The following PREX2 variants were observed in gnomAD, a reference collection of about 807,000 sequenced individuals.
The protein encoded by PREX2 is phosphatidylinositol-3,4,5-trisphosphate dependent Rac exchange factor 2.
A neutral mutation model predicts 203.2 loss-of-function variants in PREX2; 107 were observed. That is an observed-to-expected ratio of 0.53 (90% CI 0.45 to 0.62). The LOEUF is 0.62. Ranked by LOEUF, PREX2 falls within the 20% of genes least tolerant of loss-of-function variation. The probability of loss-of-function intolerance (pLI) is 0.00; values close to 1 mark genes in which losing one functional copy is unlikely to be tolerated. For missense variants in PREX2, 1,777 were observed against 1,955.9 expected, an observed-to-expected ratio of 0.91 and a Z score of 1.72; for synonymous variants, 672 against 663.6, an observed-to-expected ratio of 1.01 and a Z score of -0.19.
At chr8:67,966,146 A>T (rs1479211147) in intron 1 of PREX2, among the ~76,000 whole-genome samples, 1 of 152,216 alleles carries the variant, frequency 6.6e-6, no homozygotes, top group Non-Finnish European at 1.5e-5. Context: ...ATTTCTATAG[A>T]TGAGGATTTG....
chr8:68,157,240 C>G (rs556730847), intron 34 of PREX2, 82 bp from the exon 35 acceptor site: 1 of 629,100 alleles, frequency 1.6e-6, no homozygotes, highest in Non-Finnish European at 2.7e-6. Flanking sequence ...GCTAAATTTA[C>G]TAATAATCAA....
At chr8:68,097,325 T>A in intron 22 of PREX2, 124 bp downstream of exon 22, 2 of 695,930 alleles carry the variant, frequency 2.9e-6, no homozygotes, top group Non-Finnish European at 4.3e-6. Flanking sequence ...CATTCAAACT[T>A]CTTTTTTTTT....
rs183077382 is a variant in PREX2 at position 68,030,613 on chromosome 8, G to A, written c.660G>A (p.Lys220=). The part of the protein sequence containing the change: ...NINEAKRQME[K]LEVLEEWQSH... ...ACGAGGCCAAGAGACAGATGGAGAA[G>A]TTAGAAGTTTTAGAGGAATGGCAGT... The change falls in exon 6 of 40, where the codon AAG becomes AAA. Residue 220 remains lysine, a synonymous_variant. Transcript: ENST00000288368. The A allele has an allele frequency of 1.4e-4, 232 of 1,613,706 alleles. 2 individuals carry two copies. In the East Asian group the frequency reaches 4.1e-3, roughly 28 times the overall value.
At chr8:67,974,662 C>T (rs578238974) in intron 1 of PREX2, among the ~76,000 whole-genome samples, 1 of 152,124 alleles carries the variant, frequency 6.6e-6, no homozygotes, top group Admixed American at 6.5e-5. Flanking sequence ...CATGCAAATT[C>T]TGAGAATTTA....
intron 33 of PREX2, among the ~76,000 whole-genome samples, chr8:68,139,236 G>A (rs1424172827): frequency 1.3e-5 from 2 of 152,196 alleles, no homozygotes; most frequent in Non-Finnish European, 2.9e-5. Context: ...GCAGATGGAA[G>A]GTTGCAGATA....
intron 23 of PREX2, among the ~76,000 whole-genome samples, chr8:68,103,978 C>A (rs1461669226): frequency 6.6e-6 from 1 of 152,180 alleles, no homozygotes; most frequent in Non-Finnish European, 1.5e-5. Context: ...TCTCACGCTT[C>A]ACATGTTCCA....
intron 1 of PREX2, among the ~76,000 whole-genome samples, chr8:67,982,036 A>G (rs1162178636): frequency 1.3e-5 from 2 of 152,218 alleles, no homozygotes; most frequent in Admixed American, 1.3e-4. Context: ...TTACCAGTGA[A>G]CAAGTAGAAC....
intron 37 of PREX2, among the ~76,000 whole-genome samples, chr8:68,202,342 TAGCGAC>T (rs1234498487): frequency 1.3e-5 from 2 of 152,026 alleles, no homozygotes; most frequent in Non-Finnish European, 2.9e-5. Flanking sequence ...GAGGAAAGGG[TAGCGAC>T]TGGACAGGAT....
intron 1 of PREX2, among the ~76,000 whole-genome samples, chr8:68,007,596 C>T (rs1807131593): frequency 6.6e-6 from 1 of 152,126 alleles, no homozygotes; most frequent in African/African-American, 2.4e-5. Flanking sequence ...GACATTGACA[C>T]TCGATGTACC....
At chr8:68,061,843 C>T (rs1217528746) in intron 11 of PREX2, among the ~76,000 whole-genome samples, 1 of 152,070 alleles carries the variant, frequency 6.6e-6, no homozygotes, top group Non-Finnish European at 1.5e-5. Flanking sequence ...GAGTACTAGA[C>T]TCCTGGGAAC....
intron 3 of PREX2, among the ~76,000 whole-genome samples, chr8:68,021,167 G>A (rs1181662470): frequency 1.3e-5 from 2 of 152,098 alleles, no homozygotes; most frequent in East Asian, 3.9e-4. Flanking sequence ...TATCTATGAA[G>A]GCTGTTTATT....
chr8:68,131,677 A>T (rs1014317686), intron 31 of PREX2, among the ~76,000 whole-genome samples: 11 of 152,344 alleles, frequency 7.2e-5, no homozygotes, highest in African/African-American at 2.6e-4. Context: ...TAGAATAAAC[A>T]TCTAAGTATT....
intron 2 of PREX2, 84 bp from the exon 3 acceptor site, chr8:68,019,465 G>C (rs1020025935): frequency 9.0e-7 from 1 of 1,113,556 alleles, no homozygotes; most frequent in Admixed American, 2.9e-5. Context: ...ATGGTTTTCA[G>C]GTTGGAGAGA....
At chr8:67,993,357 T>C (rs4236957) in intron 1 of PREX2, among the ~76,000 whole-genome samples, 74,401 of 151,310 alleles carry the variant, frequency 0.49, 18,692 homozygotes, top group South Asian at 0.61. Context: ...GAGAATACTA[T>C]GTCTTGCAAC....
Position 68,134,293 on chromosome 8 carries a change from A to T in PREX2, c.3984+17A>T, listed in dbSNP as rs1329577203. 1 of 1,578,368 alleles carries T rather than the reference A, an allele frequency of 6.3e-7. No individual in the cohort carries two copies. The highest frequency in any genetic ancestry group is 8.7e-7 in the Non-Finnish European group (1 of 1,148,162). ...CCAAACTTGGTAAGGAAATCACATG[A>T]CTCCCACTGTCTGTGTCAACTGTAA... is the stretch of plus-strand genomic sequence containing the variant. On this transcript the variant is annotated intron_variant, in intron 32 of 39. Transcript: ENST00000288368.
rs183623942 is a variant in PREX2, at chr8:68,041,870, A to G, written c.840-2617A>G. Among the ~76,000 whole-genome samples, 108 of 152,208 alleles carry G rather than the reference A, an allele frequency of 7.1e-4. 1 individual carries two copies. Among genetic ancestry groups the G allele is most frequent in the Middle Eastern group, 3.4e-3 (1 of 294 alleles). On this transcript the variant is annotated intron_variant, in intron 7 of 39. Coordinates refer to ENST00000288368, the MANE Select transcript of PREX2 (RefSeq NM_024870.4). Reference sequence around the variant, plus strand: ...TTTGCAAAATTAACATTAGTGGACAAATCATGATATTATATGGTCTTATGA... The same window carrying G: ...TTTGCAAAATTAACATTAGTGGACAGATCATGATATTATATGGTCTTATGA...
At chr8:68,020,124 C>G (rs1807526095) in intron 3 of PREX2, among the ~76,000 whole-genome samples, 1 of 151,994 alleles carries the variant, frequency 6.6e-6, no homozygotes. Context: ...GGAATTTTCC[C>G]CAAGGATGGT....
At chr8:68,155,869 T>C (rs1180374946) in intron 34 of PREX2, among the ~76,000 whole-genome samples, 3 of 152,222 alleles carry the variant, frequency 2.0e-5, no homozygotes, top group Admixed American at 2.0e-4. Context: ...AGGAAATTTA[T>C]ATGCTTTTCA....
intron 30 of PREX2, among the ~76,000 whole-genome samples, chr8:68,125,490 A>G (rs985222118): frequency 4.6e-5 from 7 of 152,134 alleles, no homozygotes; most frequent in South Asian, 2.1e-4. Context: ...GTATCATTAT[A>G]TACTCACCCA....
Sources: allele counts gnomAD v4.1 joint callset (sites outside exome capture counted in the v4.1 genomes callset), GRCh38; gene constraint gnomAD v4.1.1; transcripts MANE v1.5; gene names NCBI Gene and HGNC (gene_info 2026-07-23, HGNC 2026-07-21).